Variants in TEX9 observed in about 807,000 individuals in gnomAD.
The protein encoded by TEX9 is testis-expressed protein 9.
TEX9 carries 74 observed loss-of-function variants against 59.6 expected under a neutral mutation model. The ratio of observed to expected loss-of-function variants is 1.24; its 90% CI spans 1.03 to 1.51. The LOEUF (loss-of-function observed/expected upper bound fraction) is 1.51. TEX9 is among the 40% of genes most tolerant of loss of function. The pLI is 0.00. For missense variants in TEX9, 522 were observed against 447.8 expected, an observed-to-expected ratio of 1.17 and a Z score of -1.49; for synonymous variants, 186 against 152.2, an observed-to-expected ratio of 1.22 and a Z score of -1.64.
chr15:56,433,421 A>AT (rs1567147030), intron 12 of TEX9, among the ~76,000 whole-genome samples: 1 of 150,494 alleles, frequency 6.6e-6, no homozygotes, highest in Admixed American at 6.6e-5. Flanking sequence ...GGAACTTAAA[A>AT]ATATTAAAAA....
chr15:56,331,716 C>A (rs1296280866), intron 1 of TEX9, among the ~76,000 whole-genome samples: 1 of 151,878 alleles, frequency 6.6e-6, no homozygotes, highest in Non-Finnish European at 1.5e-5. Context: ...TAAATAAACA[C>A]CCCAGTAATG....
chr15:56,396,867 C>T (rs1342176611), intron 9 of TEX9: 3 of 152,274 alleles, frequency 2.0e-5, no homozygotes, highest in Non-Finnish European at 4.4e-5. Flanking sequence ...AACTGTGAGT[C>T]CAATAAACCT....
intron 12 of TEX9, among the ~76,000 whole-genome samples, chr15:56,434,964 A>G (rs550804253): frequency 2.0e-5 from 3 of 152,238 alleles, no homozygotes; most frequent in South Asian, 2.1e-4. Context: ...GTCCTTTCCT[A>G]TAAGCTTTTA....
At chr15:56,367,077 C>T (rs1459422183) in intron 2 of TEX9, among the ~76,000 whole-genome samples, 5 of 152,014 alleles carry the variant, frequency 3.3e-5, no homozygotes, top group Admixed American at 2.6e-4. Flanking sequence ...TATTTTGCAC[C>T]TGGTTCTGGT....
chr15:56,412,286 C>CT lies in TEX9; in HGVS notation c.829-10dup, dbSNP rs1177744993. 1 of 1,582,728 alleles carries CT rather than the reference C, an allele frequency of 6.3e-7. No homozygotes were observed. The highest frequency in any genetic ancestry group is 1.4e-5 in the African/African-American group (1 of 72,622). ...GATATATTTATAAATGTTCCATAATCTTTTTTACTATACAGGAATTAGAAA... is the reference window on the plus strand; with the variant it reads ...GATATATTTATAAATGTTCCATAATCTTTTTTTACTATACAGGAATTAGAAA... On this transcript the variant is annotated splice_polypyrimidine_tract_variant and intron_variant, in intron 9 of 12. Transcript: ENST00000352903.
chr15:56,429,762 A>C (rs1234541734), intron 12 of TEX9: 3 of 152,194 alleles, frequency 2.0e-5, no homozygotes, highest in Non-Finnish European at 4.4e-5. Context: ...CTTAAATTGC[A>C]ATCTAAAGAA....
intron 10 of TEX9, among the ~76,000 whole-genome samples, chr15:56,424,054 C>T (rs1255796270): frequency 2.0e-5 from 3 of 152,056 alleles, no homozygotes; most frequent in Admixed American, 6.6e-5. Context: ...GTCTTCCATC[C>T]GGTGATTCTA....
chr15:56,315,515 G>T (rs1430895242), intron 1 of TEX9, among the ~76,000 whole-genome samples: 1 of 150,626 alleles, frequency 6.6e-6, no homozygotes, highest in Non-Finnish European at 1.5e-5. Context: ...TCTGCCGAGA[G>T]ATCCGCTGTT....
intron 1 of TEX9, among the ~76,000 whole-genome samples, chr15:56,253,131 T>C (rs1044831903): frequency 1.3e-5 from 2 of 152,022 alleles, no homozygotes; most frequent in Admixed American, 6.6e-5. Flanking sequence ...CAGGTCATGA[T>C]CACTAAAAGC....
At chr15:56,363,948 C>A (rs1356875863), upstream of TEX9, among the ~76,000 whole-genome samples, 1 of 151,158 alleles carries the variant, frequency 6.6e-6, no homozygotes, top group Non-Finnish European at 1.5e-5. Flanking sequence ...CTCCAAAGTG[C>A]TCATATTACA....
At chr15:56,394,770 C>G (rs1417814243) in exon 9 of TEX9, 2 of 1,612,906 alleles carry the variant, frequency 1.2e-6, no homozygotes, top group African/African-American at 2.7e-5. Flanking sequence ...AAATACAAAA[C>G]TCTTTTCGAA....
intron 11 of TEX9, 111 bp from the exon 12 acceptor site, chr15:56,428,256 A>G: frequency 1.3e-6 from 1 of 747,572 alleles, no homozygotes. Flanking sequence ...CATTCCTACA[A>G]CAGAACTTAT....
chr15:56,318,699 C>G (rs1175662095), intron 1 of TEX9, among the ~76,000 whole-genome samples: 2 of 151,778 alleles, frequency 1.3e-5, no homozygotes, highest in African/African-American at 2.4e-5. Flanking sequence ...TTGAGAAATA[C>G]TCAGTGGTTT....
At position 56,244,637 on chromosome 15, in the gene TEX9, C is replaced by T. The variant is rs78418310; in HGVS notation, c.-107+359C>T. Reference sequence around the variant, plus strand: ...CCCTCCTTTATACCGCTCCCAATTCCACCCAGGCTCTAAAGCATAGCTCAA... The same window carrying T: ...CCCTCCTTTATACCGCTCCCAATTCTACCCAGGCTCTAAAGCATAGCTCAA... On this transcript the variant is annotated intron_variant, in intron 1 of 5. Coordinates refer to the TEX9 transcript ENST00000560827. Among the ~76,000 whole-genome samples, 660 of 138,302 alleles carry T rather than the reference C, an allele frequency of 4.8e-3. 11 individuals are homozygous for T. The highest frequency in any genetic ancestry group is 0.017 in the African/African-American group (643 of 38,362). The allele number at this position is 138,302 out of a possible 152,430, so 90.7% of individuals were successfully genotyped here.
intron 9 of TEX9, among the ~76,000 whole-genome samples, chr15:56,401,088 A>C (rs1028806838): frequency 5.9e-5 from 9 of 152,142 alleles, no homozygotes; most frequent in Non-Finnish European, 1.2e-4. Context: ...GGGCAAAATA[A>C]CCAGCTAACA....
intron 9 of TEX9, among the ~76,000 whole-genome samples, chr15:56,399,752 G>A (rs527329607): frequency 1.6e-4 from 24 of 152,292 alleles, no homozygotes; most frequent in Admixed American, 2.6e-4. Flanking sequence ...CCTCTGGGAC[G>A]AAGCTCCCGG....
intron 1 of TEX9, among the ~76,000 whole-genome samples, chr15:56,244,825 C>G (rs934240403): frequency 1.3e-5 from 2 of 151,820 alleles, no homozygotes; most frequent in South Asian, 2.1e-4. Flanking sequence ...CCATTCCCCC[C>G]CTTCCCATTC....
chr15:56,396,591 T>C (rs568669880), intron 9 of TEX9: 16 of 145,254 alleles, frequency 1.1e-4, no homozygotes, highest in South Asian at 1.1e-3. Context: ...TTTTTTCAGT[T>C]AGCATAAAAC....
rs560675290 is a variant in TEX9, at chr15:56,444,031, G to A, written c.*30-1640G>A. Among the ~76,000 whole-genome samples the A allele has an allele frequency of 2.6e-5, 4 of 151,902 alleles. No individual in the cohort carries two copies. The South Asian group carries it at 6.2e-4, about 24-fold the overall frequency. Reference sequence around the variant, plus strand: ...AATGTCAGGTATGAATTTTTCTTTGGGTAGAATACTGTGATAGTCTCCTCT... The same window carrying A: ...AATGTCAGGTATGAATTTTTCTTTGAGTAGAATACTGTGATAGTCTCCTCT... On this transcript the variant is annotated intron_variant, in intron 12 of 12. Transcript: ENST00000352903.
Sources: allele counts gnomAD v4.1 joint callset (sites outside exome capture counted in the v4.1 genomes callset), GRCh38; gene constraint gnomAD v4.1.1; transcripts MANE v1.5; gene names NCBI Gene and HGNC (gene_info 2026-07-23, HGNC 2026-07-21).